The following MYO1D variants were observed in gnomAD, a reference collection of about 807,000 sequenced individuals.
MYO1D encodes unconventional myosin-Id.
In MYO1D, 83 loss-of-function variants were observed where a neutral mutation model predicts 122.0. The observed-to-expected ratio is 0.68, with a 90% CI of 0.57 to 0.82. The LOEUF (loss-of-function observed/expected upper bound fraction) is 0.82, where lower values mean the gene tolerates loss of function less well. Among genes scored for constraint, MYO1D ranks in the 40% least tolerant of loss-of-function variants. The pLI is 0.00. For synonymous variants in MYO1D, 464 were observed against 446.9 expected, an observed-to-expected ratio of 1.04 and a Z score of -0.48; for missense variants, 1,157 against 1,269.5, an observed-to-expected ratio of 0.91 and a Z score of 1.35.
intron 16 of MYO1D, among the ~76,000 whole-genome samples, chr17:32,679,490 T>C (rs1009143502): frequency 6.6e-6 from 1 of 152,088 alleles, no homozygotes; most frequent in African/African-American, 2.4e-5. Context: ...CTAGCCAGTT[T>C]TCCCAGCACC....
chr17:32,550,203 G>T (rs1218160378), intron 21 of MYO1D, among the ~76,000 whole-genome samples: 1 of 151,608 alleles, frequency 6.6e-6, no homozygotes, highest in Non-Finnish European at 1.5e-5. Context: ...TGGTTCAAGT[G>T]ATTCTCGTGC....
chr17:32,872,265 G>C (rs1056232812), intron 1 of MYO1D, among the ~76,000 whole-genome samples: 3 of 151,978 alleles, frequency 2.0e-5, no homozygotes, highest in Admixed American at 2.0e-4. Context: ...TAGAACACAA[G>C]CAGGTTTTAT....
At chr17:32,526,070 A>G (rs964325603) in intron 21 of MYO1D, among the ~76,000 whole-genome samples, 1 of 152,156 alleles carries the variant, frequency 6.6e-6, no homozygotes, top group Non-Finnish European at 1.5e-5. Flanking sequence ...CACTTTTAGG[A>G]GCCTTTCCGA....
intron 16 of MYO1D, among the ~76,000 whole-genome samples, chr17:32,695,762 C>A (rs1159196298): frequency 1.3e-5 from 2 of 152,178 alleles, no homozygotes; most frequent in Non-Finnish European, 2.9e-5. Context: ...AGCTTTCATA[C>A]ATTTCTTGGT....
At position 32,866,987 on chromosome 17, in the gene MYO1D, T is replaced by C. The variant is rs540262691; in HGVS notation, c.95+9791A>G. Among the ~76,000 whole-genome samples the C allele has an allele frequency of 3.3e-5, 5 of 152,348 alleles. No homozygotes were observed. The South Asian group carries it at 8.3e-4, about 25-fold the overall frequency. ...TCCCTCATAATATAGTACATACATA[T>C]AGACAGCTCTTAATTATATTGTCAT... On this transcript the variant is annotated intron_variant, in intron 1 of 21. Transcript: ENST00000318217.
intron 20 of MYO1D, among the ~76,000 whole-genome samples, chr17:32,624,426 A>G (rs1211408395): frequency 6.6e-6 from 1 of 152,050 alleles, no homozygotes; most frequent in Non-Finnish European, 1.5e-5. Flanking sequence ...CTGGAGTATG[A>G]CCTGGGTATC....
intron 20 of MYO1D, among the ~76,000 whole-genome samples, chr17:32,630,503 A>C (rs906904053): frequency 2.0e-5 from 3 of 152,194 alleles, no homozygotes; most frequent in African/African-American, 7.2e-5. Flanking sequence ...TAGGTGGCTT[A>C]AACAGCAGAA....
intron 21 of MYO1D, among the ~76,000 whole-genome samples, chr17:32,554,814 T>C (rs1191907050): frequency 6.6e-6 from 1 of 152,194 alleles, no homozygotes; most frequent in Non-Finnish European, 1.5e-5. Context: ...AAACGTTCAA[T>C]TTCATTTAAG....
Position 32,738,697 on chromosome 17 carries a change from T to C in MYO1D, c.1614-312A>G, listed in dbSNP as rs149564658. Among the ~76,000 whole-genome samples, 856 of 152,280 alleles carry C rather than the reference T, an allele frequency of 5.6e-3. 11 individuals carry two copies. The highest frequency in any genetic ancestry group is 0.019 in the African/African-American group (792 of 41,554). On this transcript the variant is annotated intron_variant, in intron 13 of 21. Coordinates refer to ENST00000318217, the MANE Select transcript of MYO1D (RefSeq NM_015194.3). ...GTCAATATGGCTCTTACAATACATA[T>C]ATAAAACAAATTCATTTTTGTGATG...
intron 21 of MYO1D, among the ~76,000 whole-genome samples, chr17:32,506,590 A>G (rs764385937): frequency 6.6e-6 from 1 of 152,248 alleles, no homozygotes; most frequent in Non-Finnish European, 1.5e-5. Context: ...CGGGAACAAG[A>G]AGGCACAAAC....
chr17:32,666,820 T>C (rs2088642494), intron 16 of MYO1D, among the ~76,000 whole-genome samples: 1 of 152,238 alleles, frequency 6.6e-6, no homozygotes, highest in Non-Finnish European at 1.5e-5. Flanking sequence ...AATTAGACAT[T>C]CTCTTGGTTT....
intron 14 of MYO1D, among the ~76,000 whole-genome samples, chr17:32,725,096 G>C (rs1054123048): frequency 1.3e-5 from 2 of 152,112 alleles, no homozygotes; most frequent in Non-Finnish European, 2.9e-5. Context: ...GGTGACAAAA[G>C]ACAATAATGA....
chr17:32,718,651 G>A (rs1452998730), intron 15 of MYO1D, among the ~76,000 whole-genome samples: 1 of 152,100 alleles, frequency 6.6e-6, no homozygotes, highest in African/African-American at 2.4e-5. Context: ...AGTGAGCTGA[G>A]ATGGCGCCAC....
chr17:32,861,118 G>A (rs2091071079), intron 1 of MYO1D, among the ~76,000 whole-genome samples: 1 of 150,546 alleles, frequency 6.6e-6, no homozygotes, highest in African/African-American at 2.5e-5. Context: ...GCCCAGGCTG[G>A]ACTGCAGTGG....
intron 14 of MYO1D, among the ~76,000 whole-genome samples, chr17:32,724,988 A>G (rs1410391866): frequency 6.6e-6 from 1 of 152,246 alleles, no homozygotes; most frequent in Admixed American, 6.5e-5. Context: ...GGAATTAGAA[A>G]CAGCAAAACA....
At chr17:32,724,846 A>T (rs778396579) in intron 14 of MYO1D, among the ~76,000 whole-genome samples, 39 of 152,348 alleles carry the variant, frequency 2.6e-4, no homozygotes, top group Non-Finnish European at 4.1e-4. Flanking sequence ...AACTAAAAGA[A>T]GCAAAATTAA....
intron 1 of MYO1D, among the ~76,000 whole-genome samples, chr17:32,833,158 C>A (rs1345701999): frequency 6.6e-6 from 1 of 152,166 alleles, no homozygotes; most frequent in Admixed American, 6.5e-5. Context: ...TAACACTGAG[C>A]CCCTGATAGT....
intron 1 of MYO1D, among the ~76,000 whole-genome samples, chr17:32,810,237 A>G (rs1014168776): frequency 8.5e-5 from 13 of 152,162 alleles, no homozygotes; most frequent in African/African-American, 3.1e-4. Flanking sequence ...AGGGAGGCTG[A>G]GAAAGGGAGG....
Position 32,638,779 on chromosome 17 carries a change from C to A in MYO1D, c.2652G>T (p.Leu884=). The A allele has an allele frequency of 6.2e-7, 1 of 1,613,896 alleles. No individual in the cohort carries two copies. Among genetic ancestry groups the A allele is most frequent in the Non-Finnish European group, 8.5e-7 (1 of 1,179,880 alleles). Residue 884 remains leucine (L), a synonymous_variant, in exon 20 of 22, where the codon CTG becomes CTT. Transcript: ENST00000318217. ...DRAIFVTDRH[L]YKMDPTKQYK... ...ACTGTTTAGTGGGATCCATTTTATA[C>A]AGGTGACGGTCAGTGACAAAAATTG... is the stretch of plus-strand genomic sequence containing the variant.
Sources: gnomAD v4.1 joint callset for allele counts (sites outside exome capture counted in the v4.1 genomes callset) on GRCh38, gnomAD v4.1.1 for gene constraint, MANE v1.5 for transcripts, NCBI Gene and HGNC (gene_info 2026-07-23, HGNC 2026-07-21) for gene names.